The following TACC2 variants were observed in gnomAD, a reference collection of about 807,000 sequenced individuals.
TACC2 encodes transforming acidic coiled-coil-containing protein 2.
A neutral mutation model predicts 227.3 loss-of-function variants in TACC2; 137 were observed. The ratio of observed to expected loss-of-function variants is 0.60; its 90% confidence interval spans 0.52 to 0.69. The LOEUF (loss-of-function observed/expected upper bound fraction) is 0.69. TACC2 is among the 30% of genes least tolerant of loss of function. The pLI, the probability that TACC2 is intolerant of heterozygous loss-of-function variation, is 0.00. For missense variants in TACC2, 3,470 were observed against 3,694.4 expected (o/e 0.94, Z 1.57); for synonymous variants, 1,523 against 1,487.5 (o/e 1.02, Z -0.55).
chr10:122,236,401 T>C (rs1379739148), intron 16 of TACC2, among the ~76,000 whole-genome samples: 4 of 152,222 alleles, frequency 2.6e-5, no homozygotes, highest in Non-Finnish European at 1.5e-5. Context: ...AGAGGTTCGC[T>C]GGGCAGCCAT....
At chr10:122,005,930 G>C (rs1434432511) in intron 1 of TACC2, among the ~76,000 whole-genome samples, 2 of 151,768 alleles carry the variant, frequency 1.3e-5, no homozygotes, top group Admixed American at 6.6e-5. Context: ...CTGGACCTCA[G>C]GTGATCTGCC....
chr10:122,156,752 G>C (rs1274157302), intron 7 of TACC2, among the ~76,000 whole-genome samples: 1 of 152,118 alleles, frequency 6.6e-6, no homozygotes, highest in African/African-American at 2.4e-5. Context: ...CCTTCTTCCA[G>C]GTTTGCAGTT....
At chr10:122,092,017 T>C (rs568557765) in intron 5 of TACC2, among the ~76,000 whole-genome samples, 6 of 152,246 alleles carry the variant, frequency 3.9e-5, no homozygotes, top group Non-Finnish European at 7.3e-5. Context: ...ATTCAAGCGC[T>C]GGAGCGTGCC....
At chr10:122,030,622 C>T (rs1958821222) in intron 2 of TACC2, among the ~76,000 whole-genome samples, 1 of 151,992 alleles carries the variant, frequency 6.6e-6, no homozygotes, top group South Asian at 2.1e-4. Context: ...TCTTCATTCT[C>T]CTTGAGTGAG....
intron 2 of TACC2, among the ~76,000 whole-genome samples, chr10:122,045,544 A>G (rs924107346): frequency 6.6e-6 from 1 of 152,240 alleles, no homozygotes; most frequent in African/African-American, 2.4e-5. Context: ...ACACACAGAA[A>G]GTGTTCCTAA....
chr10:122,109,283 T>C (rs922204705), intron 5 of TACC2, among the ~76,000 whole-genome samples: 14 of 152,202 alleles, frequency 9.2e-5, no homozygotes, highest in African/African-American at 3.1e-4. Flanking sequence ...TTTCATCTTA[T>C]CCACACAAGC....
intron 8 of TACC2, among the ~76,000 whole-genome samples, chr10:122,200,424 TGTGTTC>T (rs2094749653): frequency 8.2e-6 from 1 of 122,586 alleles, no homozygotes; most frequent in African/African-American, 3.4e-5. Context: ...CCACAGTGGC[TGTGTTC>T]ACATGGGGAG....
chr10:122,144,631 G>A (rs1246557372), intron 7 of TACC2, among the ~76,000 whole-genome samples: 1 of 152,186 alleles, frequency 6.6e-6, no homozygotes, highest in Non-Finnish European at 1.5e-5. Context: ...AAACCAGAGT[G>A]TCGGGAAGTA....
intron 5 of TACC2, chr10:122,088,798 G>A: frequency 6.8e-7 from 1 of 1,481,398 alleles, no homozygotes. Context: ...TGAATGAGTT[G>A]CTTTCATACT....
intron 1 of TACC2, among the ~76,000 whole-genome samples, chr10:122,008,246 G>GTTATTACTATTA (rs111866182): frequency 8.9e-6 from 1 of 111,848 alleles, no homozygotes; most frequent in Non-Finnish European, 1.9e-5. Flanking sequence ...CTATCCCTTT[G>GTTATTACTATTA]TTATTATTAT....
At chr10:122,105,280 A>G (rs577019629) in intron 5 of TACC2, among the ~76,000 whole-genome samples, 2 of 151,890 alleles carry the variant, frequency 1.3e-5, no homozygotes, top group African/African-American at 4.9e-5. Flanking sequence ...TCCGCATCAC[A>G]TATTGCCTGT....
At chr10:122,240,296 C>T (rs947940899) in intron 18 of TACC2, among the ~76,000 whole-genome samples, 1 of 152,134 alleles carries the variant, frequency 6.6e-6, no homozygotes, top group African/African-American at 2.4e-5. Flanking sequence ...TTCTGAGATG[C>T]AAGGAGGTGT....
At chr10:122,112,923 G>C (rs2083887699) in intron 5 of TACC2, 2 of 152,036 alleles carry the variant, frequency 1.3e-5, no homozygotes. Context: ...GGCGCCCTGC[G>C]CGAGCAGCTG....
chr10:122,000,059 G>C (rs1037476235), intron 1 of TACC2, among the ~76,000 whole-genome samples: 4 of 152,190 alleles, frequency 2.6e-5, no homozygotes, highest in African/African-American at 9.7e-5. Context: ...GGAGACACCA[G>C]GTCTCATGTA....
intron 1 of TACC2, 36 bp from the exon 2 acceptor site, chr10:122,021,899 TCA>T: frequency 1.5e-6 from 2 of 1,314,140 alleles, no homozygotes; most frequent in Non-Finnish European, 1.1e-6. Flanking sequence ...AGATCTTTTT[TCA>T]TTTCACAGAC....
At chr10:122,211,809 G>GC in intron 9 of TACC2, 101 bp downstream of exon 9, 2 of 1,016,908 alleles carry the variant, frequency 2.0e-6, no homozygotes, top group Non-Finnish European at 2.8e-6. Context: ...CCCTAACCTT[G>GC]CCCCTGGGTG....
At position 122,018,874 on chromosome 10, in the gene TACC2, A is replaced by G. The variant is rs530889933; in HGVS notation, c.-45-3063A>G. On this transcript the variant is annotated intron_variant, in intron 1 of 22. Transcript: ENST00000369005. ...CATCTAGCTTCCTCCACCACCTCCAAGGAGCTCCTAAGGGTCCTCTGAGCT... is the reference window on the plus strand; with the variant it reads ...CATCTAGCTTCCTCCACCACCTCCAGGGAGCTCCTAAGGGTCCTCTGAGCT... Among the ~76,000 whole-genome samples, 12 of 152,242 alleles carry G rather than the reference A, an allele frequency of 7.9e-5. No homozygotes were observed. In the East Asian group the frequency reaches 2.1e-3, roughly 27 times the overall value.
chr10:122,145,554 G>C (rs1341959072), intron 7 of TACC2, among the ~76,000 whole-genome samples: 1 of 152,120 alleles, frequency 6.6e-6, no homozygotes, highest in African/African-American at 2.4e-5. Context: ...ATCTTTGTGG[G>C]GGGTGATGGA....
At chr10:122,107,986 G>T (rs2137879897) in intron 5 of TACC2, among the ~76,000 whole-genome samples, 1 of 149,716 alleles carries the variant, frequency 6.7e-6, no homozygotes, top group South Asian at 2.1e-4. Context: ...CCGCCTCCTG[G>T]GTTCACGCCA....
Sources: allele counts gnomAD v4.1 joint callset (sites outside exome capture counted in the v4.1 genomes callset), GRCh38; gene constraint gnomAD v4.1.1; transcripts MANE v1.5; gene names NCBI Gene and HGNC (gene_info 2026-07-23, HGNC 2026-07-21).